MYH6: variants seen among roughly 807,000 people sequenced by gnomAD.
MYH6 encodes myosin heavy chain 6, also known as myosin-6.
A neutral mutation model predicts 223.2 loss-of-function variants in MYH6; 126 were observed. The observed-to-expected ratio is 0.56, with a 90% confidence interval of 0.49 to 0.65. The LOEUF (loss-of-function observed/expected upper bound fraction) is 0.65, where lower values mean the gene tolerates loss of function less well. Among genes scored for constraint, MYH6 ranks in the 30% least tolerant of loss-of-function variants. The probability of loss-of-function intolerance (pLI) is 0.00; values close to 1 mark genes in which losing one functional copy is unlikely to be tolerated. For missense variants in MYH6, 2,040 were observed against 2,536.4 expected (o/e 0.80, Z 4.20); for synonymous variants, 978 against 1,010.2 (o/e 0.97, Z 0.61).
Position 23,387,859 on chromosome 14 carries a change from T to C in MYH6, c.4424A>G (p.Glu1475Gly), listed in dbSNP as rs749826475. 3 of 1,614,088 alleles carry C rather than the reference T, an allele frequency of 1.9e-6. No individual in the cohort carries two copies. Among genetic ancestry groups the C allele is most frequent in the South Asian group, 2.2e-5 (2 of 91,074 alleles). Residue 1475 changes from glutamate (E) to glycine (G), a missense_variant, in exon 31 of 39, where the codon GAG (glutamate) becomes GGG (glycine). Glu to Gly is a moderately conservative substitution (Grantham distance 98). Transcript: ENST00000405093. ...GAGCTCTGTGCTGAGGGAGCGAGCCTCCTTCTGTGAGGACTCCAGCTCAGA... is the reference window on the plus strand; with the variant it reads ...GAGCTCTGTGCTGAGGGAGCGAGCCCCCTTCTGTGAGGACTCCAGCTCAGA... ...SQSELESSQKEARSLSTELFK... is the reference protein window; with the variant it reads ...SQSELESSQKGARSLSTELFK...
At chr14:23,397,987 TC>T (rs1819773691) in intron 15 of MYH6, among the ~76,000 whole-genome samples, 1 of 143,756 alleles carries the variant, frequency 7.0e-6, no homozygotes, top group African/African-American at 2.6e-5. Flanking sequence ...TTCTTCTTCT[TC>T]TTCTTCTTCT....
rs1280689085 is a variant in MYH6 at position 23,397,073 on chromosome 14, C to T, written c.2058G>A (p.Met686Ile). The change falls in exon 18 of 39, where the codon ATG becomes ATA. Residue 686 changes from methionine (M) to isoleucine (I), a missense_variant. Met to Ile is a conservative substitution (Grantham distance 10). Around this residue, in one of 4 missense-constraint regions of MYH6, gnomAD observed 649 missense variants for 877.3 expected, o/e 0.74. Coordinates refer to ENST00000405093, the MANE Select transcript of MYH6 (RefSeq NM_002471.4). ...IPNERKAPGV[M>I]DNPLVMHQLR... ...GCTGGTGCATGACCAGGGGGTTGTC[C>T]ATCACCCCTGTGTCAGGAGGGAAGG... is the stretch of plus-strand genomic sequence containing the variant. 1 of 1,614,220 alleles carries T rather than the reference C, an allele frequency of 6.2e-7. No homozygotes were observed. The highest frequency in any genetic ancestry group is 1.7e-5 in the Admixed American group (1 of 60,038).
At chr14:23,403,690 T>C (rs770393553) in intron 9 of MYH6, 25 bp downstream of exon 9, 3 of 1,602,628 alleles carry the variant, frequency 1.9e-6, no homozygotes, top group East Asian at 4.5e-5. Context: ...ACCTAGAGGG[T>C]GGCAGCCTCC....
In MYH6 at chr14:23,398,766, A is replaced by G; in HGVS notation, c.1853T>C (p.Met618Thr). Residue 618 changes from methionine (M) to threonine (T), a missense_variant, in exon 15 of 39, where the codon ATG becomes ACG. By Grantham distance (81) the Met-to-Thr change is moderately conservative. This residue lies in a region of MYH6 where 649 missense variants were observed against 877.3 expected (regional missense o/e 0.74). Transcript: ENST00000405093. ...ALYQKSSLKL[M>T]ATLFSSYATA... is the part of the protein sequence containing the mutation. ...TGCGTAGGAGGAGAAGAGAGTGGCC[A>G]TGAGCTTGAGGGAGGACTTCTGGTA... 6.2e-7 allele frequency: 1 copy of G among 1,614,184 alleles called. No homozygotes were observed. The highest frequency in any genetic ancestry group is 2.2e-5 in the East Asian group (1 of 44,882).
At chr14:23,392,716 C>T in intron 24 of MYH6, 64 bp from the exon 25 acceptor site, 2 of 1,477,292 alleles carry the variant, frequency 1.4e-6, no homozygotes, top group South Asian at 2.3e-5. Flanking sequence ...GGCTCATTCT[C>T]TTCTTGGCCT....
At chr14:23,396,551 C>A in intron 19 of MYH6, 131 bp from the exon 20 acceptor site, 2 of 1,572,710 alleles carry the variant, frequency 1.3e-6, no homozygotes, top group South Asian at 1.1e-5. Context: ...ATTTGACAAA[C>A]AAGACCGGAA....
intron 3 of MYH6, among the ~76,000 whole-genome samples, chr14:23,406,795 A>G (rs1192401018): frequency 6.6e-6 from 1 of 152,150 alleles, no homozygotes. Flanking sequence ...CTTCTTCCTC[A>G]GCATCCTCTC....
At chr14:23,400,668 A>G (rs1891571810) in intron 13 of MYH6, 41 bp downstream of exon 13, 1 of 1,614,130 alleles carries the variant, frequency 6.2e-7, no homozygotes, top group African/African-American at 1.3e-5. Flanking sequence ...TGTAGGAGCA[A>G]GCGAGTGATT....
Position 23,389,028 on chromosome 14 carries a change from G to T in MYH6, c.4006C>A (p.Gln1336Lys). The change falls in exon 29 of 39, where the codon CAG becomes AAG. Residue 1336 changes from glutamine to lysine, a missense_variant. By Grantham distance (53) the Gln-to-Lys change is moderately conservative (BLOSUM62 1). Coordinates refer to ENST00000405093, the MANE Select transcript of MYH6 (RefSeq NM_002471.4). ...KAKNALAHAL[Q>K]SARHDCDLLR... ...AGGTCGCAGTCATGCCGGGCCGACT[G>T]CAGTGCATGGGCCAGGGCGTTCTTC... 6.2e-7 allele frequency: 1 copy of T among 1,610,748 alleles called. No homozygotes were observed. Among genetic ancestry groups the T allele is most frequent in the South Asian group, 1.1e-5 (1 of 90,928 alleles).
chr14:23,383,339 G>GGGCGAA lies in MYH6; in HGVS notation c.5566-20_5566-19insTTCGCC. On this transcript the variant is annotated intron_variant, in intron 36 of 38. Transcript: ENST00000405093. ...CCTCTGTCTGGGGGTGGGAGGGTGG[G>GGGCGAA]AGAAGCTGGTTTGGAGGGGGAGCAA... The GGGCGAA allele has an allele frequency of 9.2e-6, 1 of 108,202 alleles. No homozygotes were observed. The allele number at this position is 108,202 out of a possible 1,614,324, so 6.7% of individuals were successfully genotyped here.
chr14:23,392,602 A>G lies in MYH6; in HGVS notation c.3302T>C (p.Val1101Ala), dbSNP rs365990. 589,141 of 1,604,286 alleles carry G rather than the reference A, an allele frequency of 0.37. 113,514 individuals are homozygous for G. Among genetic ancestry groups the G allele is most frequent in the African/African-American group, 0.64 (46,952 of 73,280 alleles). Residue 1101 changes from valine (V) to alanine (A), a missense_variant, in exon 25 of 39, where the codon GTG (valine) becomes GCG (alanine). This residue lies in a region of MYH6 where 1,203 missense variants were observed against 1,400.2 expected (regional missense o/e 0.86). Coordinates refer to ENST00000405093, the MANE Select transcript of MYH6 (RefSeq NM_002471.4). ...QQNSKIEDEQVLALQLQKKLK... is the reference protein window; with the variant it reads ...QQNSKIEDEQALALQLQKKLK... ...TTTCTTCTGTAGTTGAAGGGCCAGC[A>G]CCTGCTCATCCTCAATCTTACTGTT... is the stretch of plus-strand genomic sequence containing the variant.
At position 23,382,530 on chromosome 14, in the gene MYH6, G is replaced by T. The variant is rs201199853; in HGVS notation, c.5694C>A (p.Phe1898Leu). The T allele has an allele frequency of 6.2e-7, 1 of 1,614,176 alleles. No individual in the cohort carries two copies. The highest frequency in any genetic ancestry group is 8.5e-7 in the Non-Finnish European group (1 of 1,180,024). ...EEQANTNLSK[F>L]RKVQHELDEA... ...CATCCAGCTCATGCTGCACCTTGCG[G>T]AACTTGGACAGGTTGGTGTTGGCTT... The change falls in exon 38 of 39, where the codon TTC becomes TTA. Residue 1898 changes from phenylalanine (F) to leucine (L), a missense_variant. Coordinates refer to ENST00000405093, the MANE Select transcript of MYH6 (RefSeq NM_002471.4).
chr14:23,384,420 T>C lies in MYH6; in HGVS notation c.5565+22A>G, dbSNP rs8006357. 413,768 of 1,607,124 alleles carry C rather than the reference T, an allele frequency of 0.26. 55,132 individuals carry two copies. The highest frequency in any genetic ancestry group is 0.36 in the South Asian group (32,596 of 91,054). ...GAGAAGAAACTTCCACATCTACTCC[T>C]GGTGTCTGGCGTCCGCCGCACCTGG... On this transcript the variant is annotated intron_variant, in intron 36 of 38. Coordinates refer to ENST00000405093, the MANE Select transcript of MYH6 (RefSeq NM_002471.4).
intron 20 of MYH6, among the ~76,000 whole-genome samples, chr14:23,395,589 C>G (rs922775914): frequency 6.6e-6 from 1 of 151,626 alleles, no homozygotes; most frequent in Non-Finnish European, 1.5e-5. Context: ...TGCAGTGGCT[C>G]GATCTTGGCT....
intron 15 of MYH6, among the ~76,000 whole-genome samples, chr14:23,397,977 T>C (rs944979652): frequency 1.5e-4 from 21 of 138,514 alleles, no homozygotes; most frequent in African/African-American, 4.7e-4. Context: ...CTTCTTCTTC[T>C]TCTTCTTCTT....
chr14:23,404,686 G>C (rs1258182711), intron 7 of MYH6, 25 bp downstream of exon 7: 1 of 1,605,412 alleles, frequency 6.2e-7, no homozygotes, highest in Admixed American at 1.7e-5. Context: ...CCCCTGTTCT[G>C]CCGAGCCTGT....
intron 8 of MYH6, 78 bp from the exon 9 acceptor site, chr14:23,403,856 G>A: frequency 7.8e-7 from 1 of 1,280,206 alleles, no homozygotes; most frequent in Non-Finnish European, 1.1e-6. Context: ...CAGCCCAGAA[G>A]CCCTGGATGG....
intron 3 of MYH6, 140 bp downstream of exon 3, chr14:23,406,883 C>T (rs1023629383): frequency 1.0e-5 from 10 of 962,664 alleles, no homozygotes; most frequent in South Asian, 5.3e-5. Context: ...ATTCTGGGCT[C>T]CTCAAAGGAG....
At chr14:23,384,894 C>T (rs368541287) in intron 35 of MYH6, 22 bp downstream of exon 35, 103 of 1,613,452 alleles carry the variant, frequency 6.4e-5, no homozygotes, top group Middle Eastern at 1.8e-4. Context: ...TTAGGGGAGG[C>T]GGAAGGTGGG....
Sources: allele counts gnomAD v4.1 joint callset (sites outside exome capture counted in the v4.1 genomes callset), GRCh38; gene constraint gnomAD v4.1.1; regional missense constraint gnomAD v4.1.1; transcripts MANE v1.5; gene names NCBI Gene and HGNC (gene_info 2026-07-23, HGNC 2026-07-21).